The following KLF12 variants were observed in gnomAD, a reference collection of about 807,000 sequenced individuals.
The protein encoded by KLF12 is Krueppel-like factor 12.
KLF12 carries 9 observed loss-of-function variants against 37.8 expected under a neutral mutation model. The observed-to-expected ratio is 0.24, with a 90% CI of 0.14 to 0.42. KLF12 has a LOEUF of 0.42. Among genes scored for constraint, KLF12 ranks in the 10% least tolerant of loss-of-function variants. KLF12 has a pLI of 1.00. For missense variants in KLF12, 411 were observed against 516.0 expected, an observed-to-expected ratio of 0.80 and a Z score of 1.97; for synonymous variants, 208 against 202.1, an observed-to-expected ratio of 1.03 and a Z score of -0.25.
At chr13:74,045,307 T>TGTG (rs1296914681) in intron 1 of KLF12, among the ~76,000 whole-genome samples, 1 of 152,190 alleles carries the variant, frequency 6.6e-6, no homozygotes, top group Admixed American at 6.5e-5. Context: ...ACTTTACCTA[T>TGTG]GTGGTCCTCC....
intron 1 of KLF12, among the ~76,000 whole-genome samples, chr13:73,998,328 AGTATACTT>A (rs1892175667): frequency 6.6e-6 from 1 of 152,200 alleles, no homozygotes; most frequent in African/African-American, 2.4e-5. Flanking sequence ...TGGACCCATA[AGTATACTT>A]GTTGCTAGAT....
At chr13:73,760,713 C>T (rs1350610600) in intron 6 of KLF12, among the ~76,000 whole-genome samples, 1 of 152,254 alleles carries the variant, frequency 6.6e-6, no homozygotes, top group East Asian at 1.9e-4. Flanking sequence ...ACCACTGTTA[C>T]ACAACAGCCC....
intron 3 of KLF12, among the ~76,000 whole-genome samples, chr13:73,938,777 G>T (rs976326060): frequency 3.3e-5 from 5 of 152,106 alleles, no homozygotes; most frequent in Non-Finnish European, 7.4e-5. Flanking sequence ...ATCCTCTTTT[G>T]TTCTGCCTCT....
intron 3 of KLF12, among the ~76,000 whole-genome samples, chr13:73,890,213 T>C (rs902512710): frequency 1.3e-5 from 2 of 152,086 alleles, no homozygotes; most frequent in African/African-American, 4.8e-5. Flanking sequence ...CTGACATAAA[T>C]ATCAAGGAGC....
intron 1 of KLF12, among the ~76,000 whole-genome samples, chr13:74,011,343 C>CA (rs1460269220): frequency 1.3e-5 from 2 of 151,620 alleles, no homozygotes; most frequent in Non-Finnish European, 2.9e-5. Context: ...GTGGTGATTT[C>CA]ACTGACCACC....
intron 3 of KLF12, among the ~76,000 whole-genome samples, chr13:73,873,113 C>G (rs1484992938): frequency 2.6e-5 from 4 of 151,726 alleles, no homozygotes; most frequent in African/African-American, 9.7e-5. Flanking sequence ...GGTTTAAAGC[C>G]TAAAGAAAGA....
intron 5 of KLF12, among the ~76,000 whole-genome samples, chr13:73,792,951 G>A (rs1405997333): frequency 1.3e-5 from 2 of 152,158 alleles, no homozygotes; most frequent in African/African-American, 4.8e-5. Context: ...TGCTGAACAC[G>A]TGTCTCACTC....
chr13:73,978,872 G>A (rs1891614145), intron 2 of KLF12, among the ~76,000 whole-genome samples: 1 of 152,098 alleles, frequency 6.6e-6, no homozygotes, highest in South Asian at 2.1e-4. Flanking sequence ...AAGACATGAA[G>A]GAAACTTACA....
intron 7 of KLF12, among the ~76,000 whole-genome samples, chr13:73,712,044 C>A (rs1264862942): frequency 2.0e-5 from 3 of 152,114 alleles, no homozygotes; most frequent in Non-Finnish European, 4.4e-5. Context: ...AGGAGAATTA[C>A]AACTAGAAGT....
In KLF12 at chr13:73,712,385, G is replaced by T. The variant is rs1234860514; in HGVS notation, c.1027+2983C>A. 2.0e-5 allele frequency among the ~76,000 whole-genome samples: 3 copies of T among 147,678 alleles called. No homozygotes were observed. In the East Asian group the frequency reaches 5.9e-4, roughly 29 times the overall value. ...AGGATTAGAAGTGGACTCAAGATGT[G>T]ACTGAATTCCTGCAATCTCATGATA... On this transcript the variant is annotated intron_variant, in intron 7 of 7. Coordinates refer to ENST00000377669, the MANE Select transcript of KLF12 (RefSeq NM_007249.5).
At chr13:74,001,653 C>A (rs982919061) in intron 1 of KLF12, among the ~76,000 whole-genome samples, 1 of 152,172 alleles carries the variant, frequency 6.6e-6, no homozygotes, top group Non-Finnish European at 1.5e-5. Context: ...GCATAGTAAA[C>A]AGTTTGCTTA....
chr13:74,191,126 C>T, the KLF12 span, among the ~76,000 whole-genome samples: 2 of 152,182 alleles, frequency 1.3e-5, no homozygotes. Flanking sequence ...TAAATGTCTG[C>T]TTCATTATAT....
At chr13:73,854,231 T>A (rs548386402) in intron 3 of KLF12, among the ~76,000 whole-genome samples, 28 of 152,336 alleles carry the variant, frequency 1.8e-4, no homozygotes, top group African/African-American at 5.8e-4. Context: ...AGGGGATAAA[T>A]CTTTATCCTA....
chr13:74,063,271 A>G (rs1363987384), intron 1 of KLF12, among the ~76,000 whole-genome samples: 1 of 152,322 alleles, frequency 6.6e-6, no homozygotes, highest in South Asian at 2.1e-4. Flanking sequence ...CTCTGGAAGA[A>G]GTCTCCTTTC....
chr13:73,987,131 C>G (rs1891844645), intron 2 of KLF12, among the ~76,000 whole-genome samples: 1 of 152,036 alleles, frequency 6.6e-6, no homozygotes, highest in South Asian at 2.1e-4. Context: ...AACTTACACT[C>G]CATTAGACTA....
chr13:73,814,799 C>T (rs774724222), intron 4 of KLF12, among the ~76,000 whole-genome samples: 4 of 151,850 alleles, frequency 2.6e-5, no homozygotes, highest in Non-Finnish European at 5.9e-5. Context: ...AGTGGGCAGA[C>T]GCTAAGGATA....
chr13:74,057,765 A>G (rs1027717093), intron 1 of KLF12, among the ~76,000 whole-genome samples: 1 of 152,126 alleles, frequency 6.6e-6, no homozygotes, highest in Non-Finnish European at 1.5e-5. Context: ...CCTGAAAGTT[A>G]TTTTTGTTAT....
chr13:73,977,292 C>T (rs1173636819), intron 2 of KLF12, among the ~76,000 whole-genome samples: 1 of 152,166 alleles, frequency 6.6e-6, no homozygotes, highest in Non-Finnish European at 1.5e-5. Context: ...GTGATCTGCT[C>T]ACCTCAGCCT....
chr13:73,741,348 C>A (rs1205284225), intron 6 of KLF12, among the ~76,000 whole-genome samples: 1 of 152,154 alleles, frequency 6.6e-6, no homozygotes, highest in Non-Finnish European at 1.5e-5. Flanking sequence ...GAGAGCTACA[C>A]CAACAATGCT....
Sources: gnomAD v4.1 joint callset for allele counts (sites outside exome capture counted in the v4.1 genomes callset) on GRCh38, gnomAD v4.1.1 for gene constraint, MANE v1.5 for transcripts, NCBI Gene and HGNC (gene_info 2026-07-23, HGNC 2026-07-21) for gene names.